PHLDB2: variants seen among roughly 807,000 people sequenced by gnomAD.
The protein encoded by PHLDB2 is pleckstrin homology like domain family B member 2.
A neutral mutation model predicts 123.6 loss-of-function variants in PHLDB2; 71 were observed. That is an observed-to-expected ratio of 0.57 (90% CI 0.47 to 0.70). PHLDB2 has a LOEUF of 0.70. PHLDB2 is among the 30% of genes least tolerant of loss of function. The probability of loss-of-function intolerance (pLI) is 0.00; values close to 1 mark genes in which losing one functional copy is unlikely to be tolerated. For synonymous variants in PHLDB2, 547 were observed against 541.6 expected (o/e 1.01, Z -0.14); for missense variants, 1,446 against 1,519.5 (o/e 0.95, Z 0.80).
chr3:111,733,554 TGCC>T (rs1483471900), intron 1 of PHLDB2, among the ~76,000 whole-genome samples: 1 of 152,196 alleles, frequency 6.6e-6, no homozygotes, highest in Non-Finnish European at 1.5e-5. Context: ...ATGATACCAA[TGCC>T]ACTCTATGTA....
At chr3:111,868,071 C>G (rs1277559139) in intron 1 of PHLDB2, among the ~76,000 whole-genome samples, 1 of 152,108 alleles carries the variant, frequency 6.6e-6, no homozygotes, top group African/African-American at 2.4e-5. Context: ...ATGATCATGG[C>G]TCACTGCAGC....
chr3:111,935,616 A>G (rs1336635135), intron 6 of PHLDB2, among the ~76,000 whole-genome samples: 1 of 152,156 alleles, frequency 6.6e-6, no homozygotes, highest in African/African-American at 2.4e-5. Flanking sequence ...CTGAGGAGCA[A>G]GGAGAGCCAG....
intron 13 of PHLDB2, among the ~76,000 whole-genome samples, chr3:111,964,429 T>C (rs926659856): frequency 4.6e-5 from 7 of 152,132 alleles, no homozygotes; most frequent in Admixed American, 3.3e-4. Context: ...AACCTCTGTC[T>C]TGCAGGTTCA....
intron 12 of PHLDB2, chr3:111,958,342 C>T: frequency 1.0e-6 from 1 of 966,182 alleles, no homozygotes; most frequent in Non-Finnish European, 1.2e-6. Context: ...TTAATTTTAT[C>T]CTCTTAACCC....
Position 111,772,179 on chromosome 3 carries a change from T to A in PHLDB2, c.-49+39476T>A, listed in dbSNP as rs7637178. On this transcript the variant is annotated intron_variant, in intron 1 of 17. Transcript: ENST00000393923. Reference sequence around the variant, plus strand: ...TTCACATCACTGAGAACAAATTATATACTTAAAATGGCTCAAAACCTATTG... The same window carrying A: ...TTCACATCACTGAGAACAAATTATAAACTTAAAATGGCTCAAAACCTATTG... Among the ~76,000 whole-genome samples the A allele has an allele frequency of 9.1e-3, 1,390 of 152,168 alleles. 26 individuals are homozygous for A. The highest frequency in any genetic ancestry group is 0.032 in the African/African-American group (1,327 of 41,486).
chr3:111,917,459 G>A (rs2068246449), intron 3 of PHLDB2: 3 of 152,146 alleles, frequency 2.0e-5, no homozygotes, highest in Admixed American at 6.5e-5. Context: ...ACAGGATACC[G>A]CCCTTGGTGA....
intron 1 of PHLDB2, among the ~76,000 whole-genome samples, chr3:111,789,707 T>TC (rs1200767447): frequency 4.2e-3 from 639 of 152,322 alleles, no homozygotes; most frequent in African/African-American, 0.015. Context: ...TAATATATAT[T>TC]ATGTGCTTAG....
intron 1 of PHLDB2, among the ~76,000 whole-genome samples, chr3:111,766,687 C>A (rs1048057986): frequency 2.0e-5 from 3 of 151,832 alleles, no homozygotes; most frequent in South Asian, 4.2e-4. Flanking sequence ...TTTACTGGAC[C>A]CTTACTAGGT....
intron 8 of PHLDB2, among the ~76,000 whole-genome samples, chr3:111,945,018 C>T (rs2070198804): frequency 2.0e-5 from 3 of 152,124 alleles, no homozygotes; most frequent in African/African-American, 7.2e-5. Flanking sequence ...TTTTAAATGA[C>T]TCTATAAAAT....
At chr3:111,783,284 C>G (rs1339634904) in intron 1 of PHLDB2, among the ~76,000 whole-genome samples, 1 of 152,062 alleles carries the variant, frequency 6.6e-6, no homozygotes, top group African/African-American at 2.4e-5. Flanking sequence ...ATAACCTTTG[C>G]TTATAATATT....
intron 2 of PHLDB2, among the ~76,000 whole-genome samples, chr3:111,897,045 C>G (rs1291486053): frequency 1.3e-5 from 2 of 152,334 alleles, no homozygotes; most frequent in East Asian, 1.9e-4. Context: ...AGATACAGAA[C>G]AGTTCTAACA....
intron 1 of PHLDB2, among the ~76,000 whole-genome samples, chr3:111,787,007 C>T (rs558647403): frequency 5.1e-4 from 78 of 152,260 alleles, no homozygotes; most frequent in Non-Finnish European, 1.0e-3. Flanking sequence ...ACTTATTTTG[C>T]ATGGGGCGCA....
At chr3:111,963,307 A>G (rs1452275747) in intron 13 of PHLDB2, among the ~76,000 whole-genome samples, 2 of 152,186 alleles carry the variant, frequency 1.3e-5, no homozygotes, top group Admixed American at 1.3e-4. Context: ...CTTTGACTGT[A>G]CTGGTTCTTA....
At chr3:111,786,942 A>G (rs538634929) in intron 1 of PHLDB2, among the ~76,000 whole-genome samples, 16 of 152,306 alleles carry the variant, frequency 1.1e-4, no homozygotes, top group African/African-American at 3.8e-4. Flanking sequence ...TGCAAAAACC[A>G]GAGGTTAAAT....
intron 1 of PHLDB2, among the ~76,000 whole-genome samples, chr3:111,834,235 A>AT (rs2063275706): frequency 1.0e-5 from 1 of 98,562 alleles, no homozygotes; most frequent in Non-Finnish European, 1.8e-5. Context: ...TATATTATGT[A>AT]TATAATAGAA....
chr3:111,959,161 A>G (rs2071235004), intron 12 of PHLDB2, among the ~76,000 whole-genome samples: 1 of 152,256 alleles, frequency 6.6e-6, no homozygotes, highest in South Asian at 2.1e-4. Flanking sequence ...TAAAATATCT[A>G]TGCCTTTGGA....
chr3:111,849,104 TTTAATA>T (rs1194497724), intron 2 of PHLDB2, among the ~76,000 whole-genome samples: 2 of 152,248 alleles, frequency 1.3e-5, no homozygotes, highest in African/African-American at 4.8e-5. Context: ...TAAAGCTAAC[TTTAATA>T]TTAACATTGA....
At chr3:111,917,244 C>G (rs1347731238) in intron 3 of PHLDB2, 1 of 152,134 alleles carries the variant, frequency 6.6e-6, no homozygotes, top group East Asian at 1.9e-4. Flanking sequence ...TTAAATATAT[C>G]TACTGTGATA....
At chr3:111,847,685 C>T (rs974053544) in intron 2 of PHLDB2, among the ~76,000 whole-genome samples, 10 of 151,892 alleles carry the variant, frequency 6.6e-5, no homozygotes, top group African/African-American at 9.7e-5. Flanking sequence ...GAGAGCCTTA[C>T]TTACTGCACA....
Sources: gnomAD v4.1 joint callset for allele counts (sites outside exome capture counted in the v4.1 genomes callset) on GRCh38, gnomAD v4.1.1 for gene constraint, MANE v1.5 for transcripts, NCBI Gene and HGNC (gene_info 2026-07-23, HGNC 2026-07-21) for gene names.